ZMYND8: variants seen among roughly 807,000 people sequenced by gnomAD.
The protein encoded by ZMYND8 is zinc finger MYND-type containing 8.
A neutral mutation model predicts 140.8 loss-of-function variants in ZMYND8; 37 were observed. The ratio of observed to expected loss-of-function variants is 0.26; its 90% CI spans 0.20 to 0.35. The LOEUF (loss-of-function observed/expected upper bound fraction) is 0.35. Among genes scored for constraint, ZMYND8 ranks in the 10% least tolerant of loss-of-function variants. The probability of loss-of-function intolerance (pLI) is 1.00; values close to 1 mark genes in which losing one functional copy is unlikely to be tolerated. For synonymous variants in ZMYND8, 592 were observed against 597.1 expected (o/e 0.99, Z 0.12); for missense variants, 1,068 against 1,570.0 (o/e 0.68, Z 5.40).
intron 11 of ZMYND8, among the ~76,000 whole-genome samples, chr20:47,275,079 G>C (rs1449636530): frequency 6.6e-6 from 1 of 152,204 alleles, no homozygotes; most frequent in East Asian, 1.9e-4. Flanking sequence ...CCTAAAGCTG[G>C]TACTCCAACC....
At chr20:47,356,363 C>A in intron 1 of ZMYND8, 5 of 1,447,456 alleles carry the variant, frequency 3.5e-6, no homozygotes, top group East Asian at 2.9e-5. Context: ...AAAAAAAAAG[C>A]TTCTTTTTTG....
intron 19 of ZMYND8, among the ~76,000 whole-genome samples, chr20:47,221,919 G>A (rs1329079422): frequency 4.6e-5 from 7 of 152,128 alleles, no homozygotes; most frequent in Admixed American, 2.0e-4. Flanking sequence ...CACCCACCTC[G>A]GCCTCCCAAA....
intron 1 of ZMYND8, 30 bp downstream of exon 1, chr20:47,356,627 G>A: frequency 6.8e-6 from 11 of 1,614,060 alleles, no homozygotes; most frequent in Non-Finnish European, 9.3e-6. Context: ...GAGGGAGGGG[G>A]AAAAAAGATG....
At chr20:47,288,540 T>C (rs538654945) in intron 7 of ZMYND8, among the ~76,000 whole-genome samples, 1 of 152,122 alleles carries the variant, frequency 6.6e-6, no homozygotes, top group South Asian at 2.1e-4. Context: ...ATTACAGGCA[T>C]GCGCCACCAC....
chr20:47,332,389 C>G (rs552968099), intron 2 of ZMYND8, among the ~76,000 whole-genome samples: 6 of 152,126 alleles, frequency 3.9e-5, no homozygotes, highest in African/African-American at 7.2e-5. Context: ...GGGGTCAAGA[C>G]AGCAGAGAGG....
At chr20:47,244,620 G>A (rs575129408) in intron 14 of ZMYND8, among the ~76,000 whole-genome samples, 1 of 152,236 alleles carries the variant, frequency 6.6e-6, no homozygotes, top group Non-Finnish European at 1.5e-5. Flanking sequence ...CCACAACTGA[G>A]CAAGTAAGGT....
At chr20:47,259,416 G>A (rs900008932) in intron 12 of ZMYND8, among the ~76,000 whole-genome samples, 5 of 152,138 alleles carry the variant, frequency 3.3e-5, no homozygotes, top group Admixed American at 2.0e-4. Flanking sequence ...CTGTGCTCCA[G>A]CCCTGCTGCC....
At chr20:47,245,909 G>C (rs2147279004) in intron 14 of ZMYND8, 99 bp downstream of exon 14, 1 of 1,489,182 alleles carries the variant, frequency 6.7e-7, no homozygotes, top group Non-Finnish European at 9.0e-7. Context: ...CATAACTTCT[G>C]ATTTGTTTCT....
chr20:47,210,806 C>T lies in ZMYND8; in HGVS notation c.3660G>A (p.Lys1220=). The T allele has an allele frequency of 6.2e-7, 1 of 1,614,118 alleles. No individual in the cohort carries two copies. The highest frequency in any genetic ancestry group is 8.5e-7 in the Non-Finnish European group (1 of 1,180,022). ...GCCGAGACTCTTTCGGGAGGAGGCT[C>T]TTCGTGCTGGTACTGGTGTTGTGAT... ...RSDHNTSTST[K]SLLPKESRLD... Residue 1220 remains lysine, a synonymous_variant, in exon 23 of 23, where the codon AAG becomes AAA. Transcript: ENST00000471951.
Position 47,287,262 on chromosome 20 carries a change from T to A in ZMYND8, c.771A>T (p.Ile257=), listed in dbSNP as rs759872314. Residue 257 remains isoleucine, a synonymous_variant, in exon 8 of 23, where the codon ATA becomes ATT. Transcript: ENST00000471951. ...CACAGATTTTGATGACTACTTTCGC[T>A]ATTTGCGTCAATTTGTGATTTCCTA... ...YNGGNHKLTQ[I]AKVVIKICEH... is the part of the protein sequence containing the mutation. 6.2e-7 allele frequency: 1 copy of A among 1,613,966 alleles called. No individual in the cohort carries two copies. Among genetic ancestry groups the A allele is most frequent in the South Asian group, 1.1e-5 (1 of 91,082 alleles).
At chr20:47,336,019 G>A (rs2081362135) in intron 2 of ZMYND8, among the ~76,000 whole-genome samples, 2 of 152,144 alleles carry the variant, frequency 1.3e-5, no homozygotes, top group Non-Finnish European at 2.9e-5. Context: ...AAATACTGAT[G>A]CTCATTTTTT....
chr20:47,225,724 A>C (rs925956358), intron 18 of ZMYND8, among the ~76,000 whole-genome samples: 4 of 151,742 alleles, frequency 2.6e-5, no homozygotes, highest in Admixed American at 1.3e-4. Flanking sequence ...AGTCAATCTA[A>C]CTACCTTTAA....
Position 47,279,189 on chromosome 20 carries a change from G to A in ZMYND8, c.999-2394C>T, listed in dbSNP as rs74275249. On this transcript the variant is annotated intron_variant, in intron 10 of 22. Transcript: ENST00000471951. ...CTCTTTTCTTTCAAACAAGTCCAAG[G>A]CTGGGCATGGTGACTCACACCTATA... 1.1e-3 allele frequency among the ~76,000 whole-genome samples: 174 copies of A among 152,220 alleles called. 3 individuals carry two copies. The East Asian group carries it at 0.025, about 21-fold the overall frequency.
intron 2 of ZMYND8, among the ~76,000 whole-genome samples, chr20:47,326,346 C>G (rs977817938): frequency 6.6e-6 from 1 of 152,240 alleles, no homozygotes; most frequent in Admixed American, 6.5e-5. Flanking sequence ...AGGTGATCCA[C>G]CCGCCTCGGC....
intron 7 of ZMYND8, 148 bp from the exon 8 acceptor site, chr20:47,287,432 T>C (rs1231673143): frequency 2.2e-5 from 15 of 676,918 alleles, no homozygotes; most frequent in South Asian, 2.1e-4. Context: ...TGGCTTCTAA[T>C]AGTAATTCAC....
chr20:47,277,859 C>T lies in ZMYND8; in HGVS notation c.999-1064G>A, dbSNP rs549741160. Among the ~76,000 whole-genome samples the T allele has an allele frequency of 5.9e-5, 9 of 152,108 alleles. No individual in the cohort carries two copies. In the South Asian group the frequency reaches 1.2e-3, roughly 21 times the overall value. On this transcript the variant is annotated intron_variant, in intron 10 of 22. Coordinates refer to ENST00000471951, the MANE Select transcript of ZMYND8 (RefSeq NM_001281775.3). ...CTAATTTTTGTATTTTTAGTAGAGA[C>T]GGTGTTTCACTATATGTTAGCCAGG...
At chr20:47,287,063 G>A (rs943115162) in intron 8 of ZMYND8, among the ~76,000 whole-genome samples, 166 bp downstream of exon 8, 9 of 152,006 alleles carry the variant, frequency 5.9e-5, no homozygotes, top group Non-Finnish European at 5.9e-5. Context: ...TAATATACTC[G>A]GGCCCCTCTT....
chr20:47,327,817 TTTTG>T (rs1255466582), intron 2 of ZMYND8, among the ~76,000 whole-genome samples: 2 of 152,160 alleles, frequency 1.3e-5, no homozygotes, highest in African/African-American at 2.4e-5. Context: ...CTTATTGTTT[TTTTG>T]TTTGTTTTTC....
At chr20:47,348,077 A>C (rs778987728) in intron 1 of ZMYND8, 151 bp from the exon 2 acceptor site, 9 of 751,938 alleles carry the variant, frequency 1.2e-5, no homozygotes. Flanking sequence ...CCTGATTTCA[A>C]CAAAGTGTGA....
Sources: allele counts gnomAD v4.1 joint callset (sites outside exome capture counted in the v4.1 genomes callset), GRCh38; gene constraint gnomAD v4.1.1; transcripts MANE v1.5; gene names NCBI Gene and HGNC (gene_info 2026-07-23, HGNC 2026-07-21).